VAV3: variants seen among roughly 807,000 people sequenced by gnomAD.
VAV3 encodes the protein vav guanine nucleotide exchange factor 3, also known as guanine nucleotide exchange factor VAV3.
VAV3 carries 94 observed loss-of-function variants against 131.2 expected under a neutral mutation model. The ratio of observed to expected loss-of-function variants is 0.72; its 90% confidence interval spans 0.61 to 0.85. The LOEUF is 0.85. VAV3 is among the 40% of genes least tolerant of loss of function. VAV3 has a pLI of 0.00. For synonymous variants in VAV3, 349 were observed against 342.0 expected (o/e 1.02, Z -0.22); for missense variants, 939 against 1,002.7 (o/e 0.94, Z 0.86).
At chr1:107,605,875 C>A (rs1239075445) in intron 22 of VAV3, among the ~76,000 whole-genome samples, 2 of 152,176 alleles carry the variant, frequency 1.3e-5, no homozygotes, top group Non-Finnish European at 2.9e-5. Context: ...CGGTCCCAAG[C>A]ATTTTGAATA....
intron 2 of VAV3, among the ~76,000 whole-genome samples, chr1:107,845,511 G>C (rs1306696889): frequency 6.6e-6 from 1 of 151,738 alleles, no homozygotes; most frequent in South Asian, 2.1e-4. Context: ...GCGAACTAAA[G>C]AAGTATGTTA....
At chr1:107,671,299 G>A (rs1211738914) in intron 19 of VAV3, among the ~76,000 whole-genome samples, 2 of 152,182 alleles carry the variant, frequency 1.3e-5, no homozygotes, top group Non-Finnish European at 2.9e-5. Flanking sequence ...CCAGAAGCAC[G>A]TTCTGTGAAC....
chr1:107,643,815 G>A (rs1655528415), intron 19 of VAV3, among the ~76,000 whole-genome samples: 1 of 152,084 alleles, frequency 6.6e-6, no homozygotes, highest in Non-Finnish European at 1.5e-5. Flanking sequence ...ACATGCCAGA[G>A]GGAGAAAAAC....
chr1:107,834,760 G>A (rs949079366), intron 2 of VAV3, among the ~76,000 whole-genome samples: 3 of 152,074 alleles, frequency 2.0e-5, no homozygotes, highest in South Asian at 4.1e-4. Context: ...CAGGGCTGAT[G>A]AGGAAGGAAG....
chr1:107,688,595 G>C (rs1659198880), intron 17 of VAV3, 189 bp from the exon 18 acceptor site: 2 of 1,438,348 alleles, frequency 1.4e-6, no homozygotes, highest in Non-Finnish European at 9.2e-7. Context: ...TACCCTATTG[G>C]CTTGTCAGGA....
intron 2 of VAV3, among the ~76,000 whole-genome samples, chr1:107,811,554 A>G (rs1354672805): frequency 6.6e-6 from 1 of 152,144 alleles, no homozygotes; most frequent in Non-Finnish European, 1.5e-5. Flanking sequence ...CTTACCTTAC[A>G]CCAGAACAAT....
intron 1 of VAV3, among the ~76,000 whole-genome samples, chr1:107,959,377 G>A (rs1320483927): frequency 6.6e-6 from 1 of 152,092 alleles, no homozygotes; most frequent in African/African-American, 2.4e-5. Context: ...CTAAAGAGCT[G>A]TCTATACTTG....
intron 15 of VAV3, among the ~76,000 whole-genome samples, chr1:107,743,629 G>A (rs768359580): frequency 6.6e-6 from 1 of 152,142 alleles, no homozygotes; most frequent in Non-Finnish European, 1.5e-5. Context: ...GCAAGTGCAC[G>A]ATAAATATTT....
chr1:107,902,536 T>C (rs866321958), intron 1 of VAV3, among the ~76,000 whole-genome samples: 9 of 152,254 alleles, frequency 5.9e-5, no homozygotes, highest in African/African-American at 1.4e-4. Flanking sequence ...GATAGTCTTA[T>C]GTAGGAGTTT....
chr1:107,639,951 A>G (rs75237583), intron 20 of VAV3, among the ~76,000 whole-genome samples: 4 of 151,962 alleles, frequency 2.6e-5, no homozygotes, highest in Admixed American at 6.6e-5. Flanking sequence ...AAAAAAAAAA[A>G]AGAATGACCA....
At position 107,602,399 on chromosome 1, in the gene VAV3, T is replaced by A; in HGVS notation, c.2218A>T (p.Met740Leu). 1 of 1,554,692 alleles carries A rather than the reference T, an allele frequency of 6.4e-7. No homozygotes were observed. The highest frequency in any genetic ancestry group is 8.7e-7 in the Non-Finnish European group (1 of 1,151,864). Residue 740 changes from methionine (M) to leucine (L), a missense_variant and splice_region_variant, in exon 24 of 27, where the codon ATG becomes TTG. Coordinates refer to ENST00000370056, the MANE Select transcript of VAV3 (RefSeq NM_006113.5). Reference sequence around the variant, plus strand: ...GAAAAGAAATAATCAATGCTTACCATTAAACTTTTAAATTTTCTATTTTCT... The same window carrying A: ...GAAAAGAAATAATCAATGCTTACCAATAAACTTTTAAATTTTCTATTTTCT... ...IAENRKFKSLMELVEYYKHHS... is the reference protein window; with the variant it reads ...IAENRKFKSLLELVEYYKHHS...
intron 21 of VAV3, among the ~76,000 whole-genome samples, chr1:107,610,618 T>C (rs151050246): frequency 9.1e-4 from 139 of 152,266 alleles, no homozygotes; most frequent in African/African-American, 3.1e-3. Context: ...TGGAAAATAC[T>C]TATTTTTCCA....
At chr1:107,772,868 G>C (rs201878985) in intron 4 of VAV3, 25 bp from the exon 5 acceptor site, 1 of 1,590,978 alleles carries the variant, frequency 6.3e-7, no homozygotes, top group Admixed American at 1.7e-5. Context: ...ATCATATAAG[G>C]TCATTTTCTA....
intron 15 of VAV3, among the ~76,000 whole-genome samples, chr1:107,717,855 A>G (rs1661213027): frequency 6.6e-6 from 1 of 152,090 alleles, no homozygotes; most frequent in African/African-American, 2.4e-5. Context: ...GTTTCCCATT[A>G]TTATTGTGTG....
chr1:107,924,754 G>GA lies in VAV3; in HGVS notation c.204+39911dup, dbSNP rs1010663903. ...TGTTTCTTTACAGACACCATTGGGGGAAAAAAAACTGTGACCATATGTTCC... is the reference window on the plus strand; with the variant it reads ...TGTTTCTTTACAGACACCATTGGGGGAAAAAAAAACTGTGACCATATGTTCC... On this transcript the variant is annotated intron_variant, in intron 1 of 26. Transcript: ENST00000370056. Among the ~76,000 whole-genome samples, 8 of 151,684 alleles carry GA rather than the reference G, an allele frequency of 5.3e-5. No individual in the cohort carries two copies. The East Asian group carries it at 1.3e-3, about 26-fold the overall frequency.
At chr1:107,817,819 A>T (rs1388597837) in intron 2 of VAV3, among the ~76,000 whole-genome samples, 1 of 152,158 alleles carries the variant, frequency 6.6e-6, no homozygotes, top group African/African-American at 2.4e-5. Flanking sequence ...CAGAAGAGAA[A>T]AAAAAGGCAA....
chr1:107,591,455 G>T (rs1251921756), intron 25 of VAV3, among the ~76,000 whole-genome samples: 1 of 152,096 alleles, frequency 6.6e-6, no homozygotes, highest in Admixed American at 6.6e-5. Flanking sequence ...ATGAATGAAT[G>T]AAGCAAATCC....
At chr1:107,714,970 G>A (rs1358960263) in intron 15 of VAV3, among the ~76,000 whole-genome samples, 1 of 152,058 alleles carries the variant, frequency 6.6e-6, no homozygotes, top group Non-Finnish European at 1.5e-5. Flanking sequence ...ACATTGCAAA[G>A]AAATTATTGA....
In VAV3 at chr1:107,739,549, C is replaced by T. The variant is rs144275569; in HGVS notation, c.1502+9419G>A. Among the ~76,000 whole-genome samples the T allele has an allele frequency of 7.6e-3, 1,152 of 152,194 alleles. 14 individuals carry two copies. Among genetic ancestry groups the T allele is most frequent in the Middle Eastern group, 6.8e-3 (2 of 294 alleles). On this transcript the variant is annotated intron_variant, in intron 15 of 26. Transcript: ENST00000370056. ...ACAGCCCAGAGGCAACTGATGGTGC[C>T]GGCATGGATTCTGCACCCATAAACA...
Sources: gnomAD v4.1 joint callset for allele counts (sites outside exome capture counted in the v4.1 genomes callset) on GRCh38, gnomAD v4.1.1 for gene constraint, MANE v1.5 for transcripts, NCBI Gene and HGNC (gene_info 2026-07-23, HGNC 2026-07-21) for gene names.